Variants in PHACTR2 observed in about 807,000 individuals in gnomAD.
PHACTR2 encodes phosphatase and actin regulator 2.
In PHACTR2, 30 loss-of-function variants were observed where a neutral mutation model predicts 76.0. The ratio of observed to expected loss-of-function variants is 0.39; its 90% CI spans 0.30 to 0.54. PHACTR2 has a LOEUF of 0.54. PHACTR2 is among the 20% of genes least tolerant of loss of function. The pLI is 0.61. For synonymous variants in PHACTR2, 292 were observed against 292.5 expected, an observed-to-expected ratio of 1.00 and a Z score of 0.02; for missense variants, 696 against 781.1, an observed-to-expected ratio of 0.89 and a Z score of 1.30.
rs1775266888 is a variant in PHACTR2, at chr6:143,561,165, A to T, written c.217+23958A>T. ...GGAGAGGAAGATGCAGTAGGCACTG[A>T]CCTTCTGACCTTGGCGGGATGCTTG... is the stretch of plus-strand genomic sequence containing the variant. On this transcript the variant is annotated intron_variant, in intron 1 of 11. Transcript: ENST00000367584. The surrounding 1 kb of genome is among the most constrained non-coding windows in gnomAD (Gnocchi z 4.1). 6.6e-6 allele frequency: 1 copy of T among 152,206 alleles called. No individual in the cohort carries two copies. Among genetic ancestry groups the T allele is most frequent in the South Asian group, 2.1e-4 (1 of 4,824 alleles). The allele number at this position is 152,206 out of a possible 1,614,324, so 9.4% of individuals were successfully genotyped here.
chr6:143,686,951 T>C (rs193282241), intron 1 of PHACTR2, among the ~76,000 whole-genome samples: 1 of 152,368 alleles, frequency 6.6e-6, no homozygotes, highest in Non-Finnish European at 1.5e-5. Flanking sequence ...GCGTGGATTC[T>C]GAGCTTTAAG....
chr6:143,723,694 C>T (rs772432174), intron 2 of PHACTR2, among the ~76,000 whole-genome samples: 1 of 152,028 alleles, frequency 6.6e-6, no homozygotes, highest in Non-Finnish European at 1.5e-5. Context: ...ACGTGGAGAT[C>T]GAGAATAGCG....
Position 143,787,694 on chromosome 6 carries a change from C to T in PHACTR2, c.1708-1079C>T, listed in dbSNP as rs1270033778. On this transcript the variant is annotated intron_variant, in intron 10 of 12. Coordinates refer to ENST00000440869, the MANE Select transcript of PHACTR2 (RefSeq NM_001100164.2). The surrounding 1 kb of genome is among the most constrained non-coding windows in gnomAD (Gnocchi z 4.6). ...TTGGGAGGCTGAGATGGGAGAATCG[C>T]TTGAGCCCAAGAGTTCAAGACCAGC... is the stretch of plus-strand genomic sequence containing the variant. Among the ~76,000 whole-genome samples the T allele has an allele frequency of 6.6e-6, 1 of 152,128 alleles. No homozygotes were observed. Among genetic ancestry groups the T allele is most frequent in the Non-Finnish European group, 1.5e-5 (1 of 68,028 alleles).
At chr6:143,632,871 C>A (rs1178809774) in intron 1 of PHACTR2, among the ~76,000 whole-genome samples, 1 of 152,168 alleles carries the variant, frequency 6.6e-6, no homozygotes, top group Non-Finnish European at 1.5e-5. Context: ...ATAACCTTTT[C>A]AGATTGGCTC....
intron 2 of PHACTR2, among the ~76,000 whole-genome samples, chr6:143,747,003 A>G (rs1779082254): frequency 1.3e-5 from 2 of 152,118 alleles, no homozygotes; most frequent in Non-Finnish European, 2.9e-5. Flanking sequence ...TTTAACCCAA[A>G]GCTGTTCGTT....
At chr6:143,699,563 C>T (rs1243696965) in intron 1 of PHACTR2, among the ~76,000 whole-genome samples, 1 of 152,140 alleles carries the variant, frequency 6.6e-6, no homozygotes, top group Non-Finnish European at 1.5e-5. Flanking sequence ...TGCTAGAGTG[C>T]CAGTAATGCA....
In PHACTR2 at chr6:143,700,909, G is replaced by A. The variant is rs188834804; in HGVS notation, c.47-11107G>A. On this transcript the variant is annotated intron_variant, in intron 1 of 12. Coordinates refer to ENST00000440869, the MANE Select transcript of PHACTR2 (RefSeq NM_001100164.2). The surrounding 1 kb of genome is among the most constrained non-coding windows in gnomAD (Gnocchi z 4.1). ...CTGTCACGTTTTTCCTCTCTGTAGCGACATCTTGCTATTCCTAAGCAGTCA... is the reference window on the plus strand; with the variant it reads ...CTGTCACGTTTTTCCTCTCTGTAGCAACATCTTGCTATTCCTAAGCAGTCA... 2.1e-4 allele frequency among the ~76,000 whole-genome samples: 32 copies of A among 152,312 alleles called. No individual in the cohort carries two copies. In the East Asian group the frequency reaches 5.4e-3, roughly 26 times the overall value.
At chr6:143,584,966 G>T (rs1420003072) in intron 1 of PHACTR2, among the ~76,000 whole-genome samples, 2 of 138,312 alleles carry the variant, frequency 1.4e-5, no homozygotes, top group Non-Finnish European at 3.1e-5. Flanking sequence ...GACCCTGGCT[G>T]GTCCTACCCA....
intron 1 of PHACTR2, among the ~76,000 whole-genome samples, chr6:143,576,315 T>C (rs1775509966): frequency 6.6e-6 from 1 of 152,220 alleles, no homozygotes; most frequent in African/African-American, 2.4e-5. Flanking sequence ...ACGCATTTTC[T>C]AGATTACGTA....
At chr6:143,566,609 T>C (rs557567675) in intron 1 of PHACTR2, among the ~76,000 whole-genome samples, 2 of 152,218 alleles carry the variant, frequency 1.3e-5, no homozygotes, top group East Asian at 3.9e-4. Context: ...CAGCCATTTT[T>C]TAGTAAAACT....
At chr6:143,717,164 T>C (rs1267665912) in intron 2 of PHACTR2, among the ~76,000 whole-genome samples, 1 of 152,176 alleles carries the variant, frequency 6.6e-6, no homozygotes, top group East Asian at 1.9e-4. Flanking sequence ...CCAAGCCTTC[T>C]TGGTCCCTTG....
chr6:143,655,157 CAAAAAAA>C (rs151076366), intron 1 of PHACTR2, among the ~76,000 whole-genome samples: 18 of 99,104 alleles, frequency 1.8e-4, no homozygotes, highest in African/African-American at 1.2e-4. Flanking sequence ...AACTCCGTCT[CAAAAAAA>C]AAAAAAAAAA....
chr6:143,747,168 CAG>C lies in PHACTR2; in HGVS notation c.215-1813_215-1812del, dbSNP rs1443646790. On this transcript the variant is annotated intron_variant, in intron 2 of 12. Transcript: ENST00000440869. ...AGTCAGGTTTTAGAGAAGGAGGAAA[CAG>C]AGATTCCATCCACGAATTGTCATAT... Among the ~76,000 whole-genome samples the C allele has an allele frequency of 1.3e-4, 20 of 152,238 alleles. 1 individual carries two copies. In the East Asian group the frequency reaches 3.5e-3, roughly 26 times the overall value.
intron 4 of PHACTR2, among the ~76,000 whole-genome samples, chr6:143,759,558 G>T (rs547302274): frequency 6.6e-6 from 1 of 151,740 alleles, no homozygotes; most frequent in South Asian, 2.1e-4. Context: ...GGAGGCTGAG[G>T]TTAGAGGCTG....
rs1775270568 is a variant in PHACTR2 at position 143,776,263 on chromosome 6, T to C, written c.1590-1065T>C. ...CTAAAAGTCTGGTCACAATTATTTGTGGTGAAGAAAAGGTATAAATTGTAG... is the reference window on the plus strand; with the variant it reads ...CTAAAAGTCTGGTCACAATTATTTGCGGTGAAGAAAAGGTATAAATTGTAG... On this transcript the variant is annotated intron_variant, in intron 8 of 12. Coordinates refer to ENST00000440869, the MANE Select transcript of PHACTR2 (RefSeq NM_001100164.2). The surrounding 1 kb of genome is among the most constrained non-coding windows in gnomAD (Gnocchi z 5.3). 6.6e-6 allele frequency among the ~76,000 whole-genome samples: 1 copy of C among 152,334 alleles called. No homozygotes were observed. Among genetic ancestry groups the C allele is most frequent in the East Asian group, 1.9e-4 (1 of 5,192 alleles).
In PHACTR2 at chr6:143,580,410, A is replaced by G. The variant is rs1485099641; in HGVS notation, c.217+43203A>G. Among the ~76,000 whole-genome samples the G allele has an allele frequency of 1.3e-5, 2 of 152,162 alleles. No homozygotes were observed. The highest frequency in any genetic ancestry group is 2.9e-5 in the Non-Finnish European group (2 of 68,032). ...TGAGGCAGGAGAATGGCGTGAACCC[A>G]GGAGGCGGGGCTTGCAGTGAGCCGA... On this transcript the variant is annotated intron_variant, in intron 1 of 11. Transcript: ENST00000367584. This position sits in a 1 kb window ranked among gnomAD's most constrained non-coding sequence, Gnocchi z 4.2.
At chr6:143,741,881 C>A (rs1185174393) in intron 2 of PHACTR2, among the ~76,000 whole-genome samples, 2 of 152,030 alleles carry the variant, frequency 1.3e-5, no homozygotes, top group Non-Finnish European at 2.9e-5. Context: ...GCAGGCGGAT[C>A]ACCTGAGGTC....
At position 143,572,848 on chromosome 6, in the gene PHACTR2, C is replaced by T. The variant is rs544449713; in HGVS notation, c.217+35641C>T. 4.6e-5 allele frequency among the ~76,000 whole-genome samples: 7 copies of T among 152,322 alleles called. No homozygotes were observed. The South Asian group carries it at 1.4e-3, about 32-fold the overall frequency. ...GATTACAGGCATGAGCCACCGTGCC[C>T]AGCCAACAGTGGTTTATTTTCTTTT... On this transcript the variant is annotated intron_variant, in intron 1 of 11. Coordinates refer to the PHACTR2 transcript ENST00000367584.
At chr6:143,810,986 G>A (rs763373033) in intron 12 of PHACTR2, among the ~76,000 whole-genome samples, 1 of 151,958 alleles carries the variant, frequency 6.6e-6, no homozygotes, top group Non-Finnish European at 1.5e-5. Context: ...ACTTTTTAAT[G>A]GTATTTTGTT....
Sources: allele counts gnomAD v4.1 joint callset (sites outside exome capture counted in the v4.1 genomes callset), GRCh38; gene constraint gnomAD v4.1.1; non-coding constraint Gnocchi (gnomAD v3.1); transcripts MANE v1.5; gene names NCBI Gene and HGNC (gene_info 2026-07-23, HGNC 2026-07-21).